The following NPC1 variants were observed in gnomAD, a reference collection of about 807,000 sequenced individuals.
The protein encoded by NPC1 is Niemann-Pick C1 protein.
A neutral mutation model predicts 140.4 loss-of-function variants in NPC1; 85 were observed. The ratio of observed to expected loss-of-function variants is 0.61; its 90% confidence interval spans 0.51 to 0.72. NPC1 has a LOEUF of 0.72. NPC1 is among the 30% of genes least tolerant of loss of function. The pLI, the probability that NPC1 is intolerant of heterozygous loss-of-function variation, is 0.00. For missense variants in NPC1, 1,504 were observed against 1,623.8 expected, an observed-to-expected ratio of 0.93 and a Z score of 1.27; for synonymous variants, 656 against 624.8, an observed-to-expected ratio of 1.05 and a Z score of -0.74.
At chr18:23,521,873 G>A (rs781377188), downstream of NPC1, among the ~76,000 whole-genome samples, 5 of 152,098 alleles carry the variant, frequency 3.3e-5, no homozygotes, top group Non-Finnish European at 4.4e-5. Flanking sequence ...CCTGTCCCTC[G>A]CAGCAGTCTC....
At chr18:23,534,255 A>G in intron 23 of NPC1, 191 bp downstream of exon 23, 1 of 649,890 alleles carries the variant, frequency 1.5e-6, no homozygotes, top group Non-Finnish European at 2.8e-6. Flanking sequence ...CCTAAAAAGG[A>G]GCCGTACCAA....
At chr18:23,573,929 G>T (rs2059238614) in intron 1 of NPC1, among the ~76,000 whole-genome samples, 1 of 152,116 alleles carries the variant, frequency 6.6e-6, no homozygotes, top group African/African-American at 2.4e-5. Context: ...TCTGCACCAG[G>T]AACTATATAA....
downstream of NPC1, chr18:23,530,193 CTTT>C (rs1329366055): frequency 2.5e-6 from 4 of 1,613,598 alleles, no homozygotes; most frequent in Non-Finnish European, 3.4e-6. Flanking sequence ...TAACCGTTAT[CTTT>C]CCAACTGAAG....
intron 10 of NPC1, among the ~76,000 whole-genome samples, chr18:23,548,318 TATC>T (rs1338620312): frequency 6.6e-6 from 1 of 151,460 alleles, no homozygotes; most frequent in Non-Finnish European, 1.5e-5. Flanking sequence ...TAGGCATGGT[TATC>T]ATTCAGGAAG....
At chr18:23,517,523 A>G (rs2058040713), downstream of NPC1, among the ~76,000 whole-genome samples, 1 of 152,294 alleles carries the variant, frequency 6.6e-6, no homozygotes, top group South Asian at 2.1e-4. Context: ...TAAACACACA[A>G]TAGAGACTAA....
At chr18:23,573,409 G>C in intron 2 of NPC1, 43 bp downstream of exon 2, 1 of 1,613,366 alleles carries the variant, frequency 6.2e-7, no homozygotes, top group Non-Finnish European at 8.5e-7. Context: ...AGGATCTTGT[G>C]ATCAGCATTT....
intron 14 of NPC1, among the ~76,000 whole-genome samples, 154 bp from the exon 15 acceptor site, chr18:23,541,587 A>G (rs2058714772): frequency 1.3e-5 from 2 of 152,244 alleles, no homozygotes; most frequent in African/African-American, 4.8e-5. Context: ...CAGAAGTGGG[A>G]CAGGAGGTGA....
At chr18:23,523,526 C>A (rs2058199272) in intron 1 of NPC1, among the ~76,000 whole-genome samples, 1 of 100,370 alleles carries the variant, frequency 1.0e-5, no homozygotes, top group Non-Finnish European at 1.8e-5. Context: ...GCCTAGGTAA[C>A]ATAGACCTTG....
intron 3 of NPC1, chr18:23,509,546 T>C (rs1162160481): frequency 5.5e-6 from 1 of 182,736 alleles, no homozygotes. Flanking sequence ...ATTTTTCTTT[T>C]TATTATTTTA....
chr18:23,563,219 C>T (rs1623060), intron 4 of NPC1, among the ~76,000 whole-genome samples: 86,523 of 152,052 alleles, frequency 0.57, 25,669 homozygotes, highest in East Asian at 0.92. Flanking sequence ...TTTCTTTTTA[C>T]GGCCGAACAA....
intron 11 of NPC1, among the ~76,000 whole-genome samples, 197 bp from the exon 12 acceptor site, chr18:23,545,346 G>T (rs1434368699): frequency 6.6e-6 from 1 of 152,170 alleles, no homozygotes; most frequent in Non-Finnish European, 1.5e-5. Context: ...GGGTTTGAGT[G>T]CTTCTCCTGC....
At chr18:23,523,543 C>CAAAAAAAAA (rs374224848) in intron 1 of NPC1, among the ~76,000 whole-genome samples, 13 of 76,368 alleles carry the variant, frequency 1.7e-4, no homozygotes, top group African/African-American at 2.3e-4. Flanking sequence ...CTTGTCTTCA[C>CAAAAAAAAA]AAAAAAAAAA....
chr18:23,541,957 G>C (rs1256809526), intron 14 of NPC1, among the ~76,000 whole-genome samples: 1 of 152,068 alleles, frequency 6.6e-6, no homozygotes, highest in Non-Finnish European at 1.5e-5. Flanking sequence ...CCCATCTTAA[G>C]ATTAAAAAAC....
downstream of NPC1, chr18:23,518,742 G>A (rs2058072089): frequency 1.2e-5 from 8 of 643,270 alleles, no homozygotes; most frequent in East Asian, 1.6e-4. Flanking sequence ...TAGGCTTTGA[G>A]TAACTGCATG....
At chr18:23,531,046 G>A (rs1424870373), downstream of NPC1, among the ~76,000 whole-genome samples, 1 of 152,104 alleles carries the variant, frequency 6.6e-6, no homozygotes, top group Non-Finnish European at 1.5e-5. Flanking sequence ...CCAGGCTGGA[G>A]TGCAGTGGTG....
chr18:23,577,413 C>T (rs568900205), intron 1 of NPC1, among the ~76,000 whole-genome samples: 9 of 150,980 alleles, frequency 6.0e-5, no homozygotes, highest in Admixed American at 2.0e-4. Context: ...AGGTTCTCCA[C>T]GTCCTCACCA....
chr18:23,533,260 A>G (rs1485974299), intron 24 of NPC1, 95 bp downstream of exon 24: 8 of 1,251,136 alleles, frequency 6.4e-6, no homozygotes, highest in Admixed American at 1.7e-5. Flanking sequence ...GACCATTAGT[A>G]TGAGTTCAAA....
chr18:23,536,562 G>A, intron 21 of NPC1, 111 bp downstream of exon 21: 7 of 875,316 alleles, frequency 8.0e-6, no homozygotes, highest in Non-Finnish European at 1.3e-5. Context: ...GAATGGAGCA[G>A]GGGCCAGAAC....
intron 18 of NPC1, 28 bp from the exon 19 acceptor site, chr18:23,539,498 C>G (rs1362753970): frequency 6.7e-7 from 1 of 1,484,942 alleles, no homozygotes; most frequent in East Asian, 2.3e-5. Flanking sequence ...GGTTACTGAC[C>G]TGCTCCACAG....
Sources: gnomAD v4.1 joint callset for allele counts (sites outside exome capture counted in the v4.1 genomes callset) on GRCh38, gnomAD v4.1.1 for gene constraint, MANE v1.5 for transcripts, NCBI Gene and HGNC (gene_info 2026-07-23, HGNC 2026-07-21) for gene names.